KMT2C: variants seen among roughly 807,000 people sequenced by gnomAD.
The protein encoded by KMT2C is lysine methyltransferase 2C.
Under a neutral mutation model 507.9 loss-of-function variants are expected in KMT2C, and 88 were observed. The observed-to-expected ratio is 0.17, with a 90% CI of 0.15 to 0.21. KMT2C has a LOEUF of 0.21. Ranked by LOEUF, KMT2C falls within the 10% of genes least tolerant of loss-of-function variation. The pLI is 1.00. For missense variants in KMT2C, 4,954 were observed against 5,957.8 expected (o/e 0.83, Z 5.55); for synonymous variants, 2,049 against 2,080.8 (o/e 0.98, Z 0.42).
Position 152,334,421 on chromosome 7 carries a change from A to C in KMT2C, c.251-3682T>G, listed in dbSNP as rs569668060. Reference sequence around the variant, plus strand: ...GAGCCGAGATCATGCCATTGCACTCAAGCCTGGGCAACAAGAGCAAAACTC... The same window carrying C: ...GAGCCGAGATCATGCCATTGCACTCCAGCCTGGGCAACAAGAGCAAAACTC... On this transcript the variant is annotated intron_variant, in intron 2 of 58. Coordinates refer to ENST00000262189, the MANE Select transcript of KMT2C (RefSeq NM_170606.3). Among the ~76,000 whole-genome samples, 6 of 152,300 alleles carry C rather than the reference A, an allele frequency of 3.9e-5. No homozygotes were observed. In the South Asian group the frequency reaches 1.2e-3, roughly 32 times the overall value.
chr7:152,136,868 G>C lies in KMT2C; in HGVS notation c.14700C>G (p.His4900Gln). 2 of 1,613,624 alleles carry C rather than the reference G, an allele frequency of 1.2e-6. No homozygotes were observed. The highest frequency in any genetic ancestry group is 1.7e-5 in the Admixed American group (1 of 60,024). Reference protein sequence around the residue: ...FEDDQHKIPCHCGAVNCRKWM... With the variant: ...FEDDQHKIPCQCGAVNCRKWM... ...ACTTCCGGCAGTTCACAGCTCCACA[G>C]TGACACGGAATCTTGTGCTGGTCAT... Residue 4900 changes from histidine (H) to glutamine (Q), a missense_variant, in exon 59 of 59, where the codon CAC becomes CAG. Around this residue, in one of 29 missense-constraint regions of KMT2C, gnomAD observed 133 missense variants for 258.9 expected, o/e 0.51. Coordinates refer to ENST00000262189, the MANE Select transcript of KMT2C (RefSeq NM_170606.3).
chr7:152,201,617 G>GGAAAAAAAAAAAAAAA (rs1491277955), intron 26 of KMT2C, among the ~76,000 whole-genome samples: 1 of 22,874 alleles, frequency 4.4e-5, no homozygotes, highest in African/African-American at 8.2e-5. Context: ...CAACAAAGAT[G>GGAAAAAAAAAAAAAAA]AAAAAAAAAA....
At chr7:152,365,951 A>C (rs912751745) in intron 1 of KMT2C, among the ~76,000 whole-genome samples, 1 of 152,184 alleles carries the variant, frequency 6.6e-6, no homozygotes, top group African/African-American at 2.4e-5. Context: ...TTCCACAGAC[A>C]TTTTCCAAAG....
Position 152,152,792 on chromosome 7 carries a change from G to A in KMT2C, c.12439C>T (p.Pro4147Ser), listed in dbSNP as rs756769203. Residue 4147 changes from proline to serine, a missense_variant, in exon 49 of 59, where the codon CCT becomes TCT. By Grantham distance (74) the Pro-to-Ser change is moderately conservative (BLOSUM62 -1). Transcript: ENST00000262189. ...GGAGGGTTTGCAGATCCTGGCGGAG[G>A]CCCACGGAGAAGTAAATGCTGTCGA... The part of the protein sequence containing the change: ...EYRQHLLLRG[P>S]PPGSANPPRL... 3.1e-6 allele frequency: 5 copies of A among 1,614,022 alleles called. No individual in the cohort carries two copies. The highest frequency in any genetic ancestry group is 4.2e-6 in the Non-Finnish European group (5 of 1,180,036).
intron 6 of KMT2C, among the ~76,000 whole-genome samples, chr7:152,281,594 T>C (rs1204815345): frequency 2.6e-5 from 4 of 152,096 alleles, no homozygotes; most frequent in Non-Finnish European, 5.9e-5. Flanking sequence ...TAGCTGGGCC[T>C]GGTGGCAGGC....
intron 1 of KMT2C, among the ~76,000 whole-genome samples, chr7:152,432,541 C>T (rs1333921437): frequency 2.0e-5 from 3 of 152,120 alleles, no homozygotes; most frequent in Non-Finnish European, 4.4e-5. Context: ...TTCACTGTGC[C>T]ACTTGACATT....
At chr7:152,217,199 T>C (rs1460638423) in intron 23 of KMT2C, among the ~76,000 whole-genome samples, 1 of 152,012 alleles carries the variant, frequency 6.6e-6, no homozygotes, top group Admixed American at 6.5e-5. Context: ...TTATTAGAAA[T>C]CTCAGCATAA....
At chr7:152,252,141 C>T (rs2095572225) in intron 10 of KMT2C, 51 bp from the exon 11 acceptor site, 3 of 1,354,850 alleles carry the variant, frequency 2.2e-6, no homozygotes, top group Non-Finnish European at 3.0e-6. Flanking sequence ...GAGTTATTAT[C>T]TAGGTAAAGA....
intron 2 of KMT2C, among the ~76,000 whole-genome samples, chr7:152,332,851 A>AACACACAC (rs35781658): frequency 0.05 from 6,867 of 138,504 alleles, 222 homozygotes; most frequent in African/African-American, 0.086. Flanking sequence ...TGCGTCTCAA[A>AACACACAC]ACACACACAC....
chr7:152,135,722 CA>C lies in KMT2C; in HGVS notation c.*1109del, dbSNP rs1053548446. ...TCACAGTTATCACAAATTGTAAGCA[CA>C]AAAAAACCTGACTGAAGAAGTAGGG... On this transcript the variant is annotated 3_prime_UTR_variant, in exon 59 of 59. Transcript: ENST00000262189. The C allele has an allele frequency of 4.4e-6, 1 of 226,702 alleles. No homozygotes were observed. The highest frequency in any genetic ancestry group is 5.7e-5 in the Admixed American group (1 of 17,514). The allele number at this position is 226,702 out of a possible 1,614,324, so 14.0% of individuals were successfully genotyped here. A position where few individuals can be genotyped will look rare whatever the true frequency, so the allele number is the denominator to read the frequency against.
intron 23 of KMT2C, among the ~76,000 whole-genome samples, chr7:152,210,912 C>CT (rs1333317506): frequency 1.3e-5 from 2 of 152,132 alleles, no homozygotes; most frequent in Non-Finnish European, 2.9e-5. Flanking sequence ...CAGAGAAAAA[C>CT]TGAGTATGTT....
chr7:152,399,087 TCA>T (rs1207132801), intron 1 of KMT2C, among the ~76,000 whole-genome samples: 1 of 152,002 alleles, frequency 6.6e-6, no homozygotes, highest in Non-Finnish European at 1.5e-5. Context: ...CCTTGGCTTC[TCA>T]AAGTGCTGGG....
At chr7:152,158,487 A>T (rs1356433794) in intron 44 of KMT2C, among the ~76,000 whole-genome samples, 3 of 150,204 alleles carry the variant, frequency 2.0e-5, no homozygotes, top group Admixed American at 1.3e-4. Context: ...TTAGCATTTG[A>T]TCTCTCGTGT....
At position 152,176,197 on chromosome 7, in the gene KMT2C, T is replaced by C. The variant is rs762140306; in HGVS notation, c.9256A>G (p.Asn3086Asp). ...GACTCAAGAAAACTCCTACCAATATTAGGGAAGAACGGTTCTGATCGCTGA... is the reference window on the plus strand; with the variant it reads ...GACTCAAGAAAACTCCTACCAATATCAGGGAAGAACGGTTCTGATCGCTGA... ...IRQRSEPFFP[N>D]IDFDAITDPI... The change falls in exon 38 of 59, where the codon AAT becomes GAT. Residue 3086 changes from asparagine (N) to aspartate (D), a missense_variant. Asn to Asp is a conservative substitution (Grantham distance 23). Coordinates refer to ENST00000262189, the MANE Select transcript of KMT2C (RefSeq NM_170606.3). 1 of 1,593,980 alleles carries C rather than the reference T, an allele frequency of 6.3e-7. No individual in the cohort carries two copies. Among genetic ancestry groups the C allele is most frequent in the Non-Finnish European group, 8.5e-7 (1 of 1,170,128 alleles).
At position 152,138,795 on chromosome 7, in the gene KMT2C, C is replaced by A. The variant is rs747228358; in HGVS notation, c.14643+1G>T. 1 of 1,585,636 alleles carries A rather than the reference C, an allele frequency of 6.3e-7. No homozygotes were observed. The highest frequency in any genetic ancestry group is 8.6e-7 in the Non-Finnish European group (1 of 1,159,156). ...GCAGATGCAATCTCTCACACTCTTA[C>A]CTCTTCTCCTTTCTGGATTCTCCGA... On this transcript the variant is annotated splice_donor_variant, in intron 58 of 58. Coordinates refer to ENST00000262189, the MANE Select transcript of KMT2C (RefSeq NM_170606.3). LOFTEE classifies it high-confidence loss of function. This position sits in a 1 kb window ranked among gnomAD's most constrained non-coding sequence, Gnocchi z 4.2.
intron 16 of KMT2C, among the ~76,000 whole-genome samples, chr7:152,232,222 A>G (rs2095140036): frequency 6.6e-6 from 1 of 152,206 alleles, no homozygotes; most frequent in African/African-American, 2.4e-5. Flanking sequence ...TATAAGAGCA[A>G]TTTATAGTCA....
At chr7:152,215,828 A>G (rs1402072154) in intron 23 of KMT2C, among the ~76,000 whole-genome samples, 1 of 152,000 alleles carries the variant, frequency 6.6e-6, no homozygotes, top group Non-Finnish European at 1.5e-5. Context: ...AACTGGGGGC[A>G]TGAAGGCAGG....
chr7:152,388,227 G>C (rs1161657722), intron 1 of KMT2C, among the ~76,000 whole-genome samples: 2 of 152,242 alleles, frequency 1.3e-5, no homozygotes, highest in African/African-American at 2.4e-5. Flanking sequence ...TTACAAGTAA[G>C]TCTGTTTAAA....
chr7:152,275,839 A>T (rs1211612306), intron 6 of KMT2C, among the ~76,000 whole-genome samples: 1 of 152,258 alleles, frequency 6.6e-6, no homozygotes, highest in Admixed American at 6.5e-5. Flanking sequence ...CTAAATTGTT[A>T]AAATCTAAAA....
Sources: allele counts gnomAD v4.1 joint callset (sites outside exome capture counted in the v4.1 genomes callset), GRCh38; gene constraint gnomAD v4.1.1; regional missense constraint gnomAD v4.1.1; non-coding constraint Gnocchi (gnomAD v3.1); transcripts MANE v1.5; gene names NCBI Gene and HGNC (gene_info 2026-07-23, HGNC 2026-07-21).